Variants in TANC1 observed in about 807,000 individuals in gnomAD.
The protein encoded by TANC1 is protein TANC1.
TANC1 carries 77 observed loss-of-function variants against 149.7 expected under a neutral mutation model. That is an observed-to-expected ratio of 0.51 (90% CI 0.43 to 0.62). The LOEUF (loss-of-function observed/expected upper bound fraction) is 0.62, where lower values mean the gene tolerates loss of function less well. Among genes scored for constraint, TANC1 ranks in the 20% least tolerant of loss-of-function variants. TANC1 has a pLI of 0.00. For synonymous variants in TANC1, 854 were observed against 925.0 expected, an observed-to-expected ratio of 0.92 and a Z score of 1.39; for missense variants, 1,985 against 2,321.8, an observed-to-expected ratio of 0.85 and a Z score of 2.98.
intron 5 of TANC1, 152 bp downstream of exon 5, chr2:159,136,450 T>C (rs1364747603): frequency 5.0e-6 from 3 of 597,436 alleles, no homozygotes; most frequent in Non-Finnish European, 8.9e-6. Context: ...AGAGATCTGT[T>C]TGGCTAACGC....
At chr2:159,198,902 C>G in intron 18 of TANC1, 73 bp from the exon 19 acceptor site, 1 of 1,033,146 alleles carries the variant, frequency 9.7e-7, no homozygotes, top group East Asian at 2.4e-5. Context: ...CACACTGTCT[C>G]CTTTGATACA....
At chr2:159,125,867 C>T (rs541440125) in intron 4 of TANC1, among the ~76,000 whole-genome samples, 47 of 152,270 alleles carry the variant, frequency 3.1e-4, no homozygotes, top group African/African-American at 1.0e-3. Flanking sequence ...GGATTACAGG[C>T]GTGAGCTGTT....
chr2:158,971,352 T>C (rs2032852045), intron 1 of TANC1, among the ~76,000 whole-genome samples: 1 of 152,176 alleles, frequency 6.6e-6, no homozygotes, highest in Non-Finnish European at 1.5e-5. Context: ...TTTGTCTCAG[T>C]TGGGTTGAGA....
chr2:159,090,243 C>T, intron 3 of TANC1, among the ~76,000 whole-genome samples: 1 of 152,186 alleles, frequency 6.6e-6, no homozygotes, highest in Admixed American at 6.5e-5. Flanking sequence ...CATATATATA[C>T]ACATATACCC....
intron 2 of TANC1, among the ~76,000 whole-genome samples, chr2:159,034,476 A>G (rs1054453205): frequency 2.6e-5 from 4 of 152,208 alleles, no homozygotes; most frequent in South Asian, 2.1e-4. Flanking sequence ...AGTGGGCCCT[A>G]TTCCCAGAGA....
intron 3 of TANC1, among the ~76,000 whole-genome samples, chr2:159,078,636 A>G (rs112933263): frequency 2.0e-5 from 3 of 152,182 alleles, no homozygotes; most frequent in Non-Finnish European, 4.4e-5. Flanking sequence ...GATTCTGAAG[A>G]TTAGAGATTC....
intron 5 of TANC1, among the ~76,000 whole-genome samples, chr2:159,136,983 C>T (rs552240637): frequency 6.6e-6 from 1 of 152,198 alleles, no homozygotes; most frequent in Non-Finnish European, 1.5e-5. Flanking sequence ...CCCCAACTCA[C>T]ATCTCTCTTG....
At chr2:159,199,701 T>G (rs2058109288) in intron 19 of TANC1, among the ~76,000 whole-genome samples, 1 of 152,256 alleles carries the variant, frequency 6.6e-6, no homozygotes, top group Admixed American at 6.5e-5. Flanking sequence ...GACTTTAAAT[T>G]ACAAGTTGTT....
intron 2 of TANC1, among the ~76,000 whole-genome samples, chr2:159,044,237 G>A (rs1323233345): frequency 6.6e-6 from 1 of 152,028 alleles, no homozygotes; most frequent in East Asian, 1.9e-4. Flanking sequence ...ACCAGCCTGG[G>A]CAACGCAGCG....
At chr2:159,005,450 A>G (rs1158344143) in intron 2 of TANC1, among the ~76,000 whole-genome samples, 1 of 152,054 alleles carries the variant, frequency 6.6e-6, no homozygotes, top group African/African-American at 2.4e-5. Context: ...AATTAGCTGG[A>G]CATGGTGGCT....
Position 159,136,035 on chromosome 2 carries a change from TGTGTGTGTGTGTGTGCGCGC to T in TANC1, c.260-157_260-138del, listed in dbSNP as rs747055246. 1.7e-3 allele frequency among the ~76,000 whole-genome samples: 111 copies of T among 66,192 alleles called. 1 individual carries two copies. The highest frequency in any genetic ancestry group is 9.8e-3 in the Middle Eastern group (1 of 102). The allele number at this position is 66,192 out of a possible 152,430, so 43.4% of individuals were successfully genotyped here. ...GTGTGTGTGTGTGTGTGTGTGTGTGTGTGTGTGTGTGTGTGCGCGCGCGCGCGTTTAAGGGAGGGGAAGGC... is the reference window on the plus strand; with the variant it reads ...GTGTGTGTGTGTGTGTGTGTGTGTGTGCGCGCGTTTAAGGGAGGGGAAGGC... On this transcript the variant is annotated intron_variant, in intron 4 of 26. Coordinates refer to ENST00000263635, the MANE Select transcript of TANC1 (RefSeq NM_033394.3).
intron 25 of TANC1, 193 bp from the exon 26 acceptor site, chr2:159,228,603 A>T (rs1334418338): frequency 1.8e-6 from 1 of 556,654 alleles, no homozygotes; most frequent in African/African-American, 1.9e-5. Flanking sequence ...TTCATAGTGG[A>T]TTCTTCTCCT....
chr2:159,131,305 C>A (rs189988353), intron 4 of TANC1, among the ~76,000 whole-genome samples: 1 of 152,254 alleles, frequency 6.6e-6, no homozygotes, highest in Non-Finnish European at 1.5e-5. Flanking sequence ...TAGAATTGAG[C>A]CTTTCCAGAG....
chr2:159,015,699 GA>G (rs920194260), intron 2 of TANC1, among the ~76,000 whole-genome samples: 3 of 152,152 alleles, frequency 2.0e-5, no homozygotes, highest in African/African-American at 7.2e-5. Context: ...TTTTCTGTCA[GA>G]TACCCTAAAT....
chr2:158,988,402 C>T (rs2035257385), intron 1 of TANC1, among the ~76,000 whole-genome samples: 1 of 151,456 alleles, frequency 6.6e-6, no homozygotes, highest in Non-Finnish European at 1.5e-5. Flanking sequence ...TATCTTGTTA[C>T]CCTTGGGATA....
intron 2 of TANC1, among the ~76,000 whole-genome samples, chr2:159,041,337 A>T (rs1212145363): frequency 6.6e-6 from 1 of 152,188 alleles, no homozygotes; most frequent in Non-Finnish European, 1.5e-5. Context: ...AGGGACGTTT[A>T]AGTCTGCAGA....
chr2:159,195,090 G>A (rs2057749645), intron 17 of TANC1, among the ~76,000 whole-genome samples: 1 of 152,152 alleles, frequency 6.6e-6, no homozygotes, highest in Non-Finnish European at 1.5e-5. Flanking sequence ...TATGAAGTAA[G>A]TATGTATTGC....
chr2:159,182,453 A>G (rs538784311), intron 14 of TANC1, among the ~76,000 whole-genome samples: 3 of 152,278 alleles, frequency 2.0e-5, no homozygotes, highest in African/African-American at 4.8e-5. Context: ...TCAAATTTCT[A>G]TTTTTTAGTA....
chr2:159,130,748 G>C (rs921851613), intron 4 of TANC1, among the ~76,000 whole-genome samples: 4 of 152,000 alleles, frequency 2.6e-5, no homozygotes, highest in African/African-American at 7.3e-5. Context: ...AAAGAGACAG[G>C]GTTGGCACAA....
Sources: allele counts gnomAD v4.1 joint callset (sites outside exome capture counted in the v4.1 genomes callset), GRCh38; gene constraint gnomAD v4.1.1; transcripts MANE v1.5; gene names NCBI Gene and HGNC (gene_info 2026-07-23, HGNC 2026-07-21).